Variants in KLF3 observed in about 807,000 individuals in gnomAD.
KLF3 encodes KLF transcription factor 3, also known as Krueppel-like factor 3.
A neutral mutation model predicts 32.7 loss-of-function variants in KLF3; 6 were observed. The ratio of observed to expected loss-of-function variants is 0.18; its 90% CI spans 0.10 to 0.36. The LOEUF is 0.36. KLF3 is among the 10% of genes least tolerant of loss of function. KLF3 has a pLI of 1.00. For synonymous variants in KLF3, 145 were observed against 172.8 expected, an observed-to-expected ratio of 0.84 and a Z score of 1.26; for missense variants, 338 against 449.7, an observed-to-expected ratio of 0.75 and a Z score of 2.25.
In KLF3 at chr4:38,698,669, G is replaced by A. The variant is rs1382869207; in HGVS notation, c.*1406G>A. 1 of 152,226 alleles carries A rather than the reference G, an allele frequency of 6.6e-6. No homozygotes were observed. Among genetic ancestry groups the A allele is most frequent in the East Asian group, 1.9e-4 (1 of 5,202 alleles). 9.4% of individuals were successfully genotyped at this position (152,226 alleles called of 1,614,324 possible). On this transcript the variant is annotated 3_prime_UTR_variant, in exon 6 of 6. Coordinates refer to ENST00000261438, the MANE Select transcript of KLF3 (RefSeq NM_016531.6). ...AGTGTCAGAACAAACTGAAAATAAT[G>A]GCTCGTGTTTATGTTGAAGATAAAT... is the stretch of plus-strand genomic sequence containing the variant.
At chr4:38,684,568 G>A (rs1411600049) in intron 2 of KLF3, among the ~76,000 whole-genome samples, 1 of 104,372 alleles carries the variant, frequency 9.6e-6, no homozygotes, top group Non-Finnish European at 2.0e-5. Flanking sequence ...TTTTGGTTTG[G>A]TTTTGGTTTT....
At position 38,671,748 on chromosome 4, in the gene KLF3, T is replaced by C. The variant is rs1722205002; in HGVS notation, c.-40+7287T>C. Among the ~76,000 whole-genome samples the C allele has an allele frequency of 6.6e-6, 1 of 152,154 alleles. No homozygotes were observed. Among genetic ancestry groups the C allele is most frequent in the Non-Finnish European group, 1.5e-5 (1 of 68,026 alleles). ...TCTTTTCAGTAAAACGGGAAGGTAG[T>C]AACCACCTCATTGACATTAAACAGC... On this transcript the variant is annotated intron_variant, in intron 1 of 5. Coordinates refer to ENST00000261438, the MANE Select transcript of KLF3 (RefSeq NM_016531.6). The surrounding 1 kb of genome is among the most constrained non-coding windows in gnomAD (Gnocchi z 4.4).
At chr4:38,681,207 G>C (rs1330783292) in intron 2 of KLF3, among the ~76,000 whole-genome samples, 1 of 152,164 alleles carries the variant, frequency 6.6e-6, no homozygotes, top group Admixed American at 6.5e-5. Context: ...CCCGTGCCCG[G>C]TGTCCCCCTA....
intron 1 of KLF3, among the ~76,000 whole-genome samples, chr4:38,676,872 T>C (rs566029580): frequency 2.6e-5 from 4 of 152,244 alleles, no homozygotes; most frequent in African/African-American, 9.6e-5. Context: ...TTTGGATTAC[T>C]TTGAGGTACA....
At chr4:38,670,151 G>T (rs1722160203) in intron 1 of KLF3, among the ~76,000 whole-genome samples, 2 of 152,134 alleles carry the variant, frequency 1.3e-5, no homozygotes, top group South Asian at 4.1e-4. Context: ...ATTTAGAAGG[G>T]CTGGAGACAG....
chr4:38,700,571 A>G lies in KLF3; in HGVS notation c.*3308A>G, dbSNP rs904138880. On this transcript the variant is annotated 3_prime_UTR_variant, in exon 6 of 6. Coordinates refer to ENST00000261438, the MANE Select transcript of KLF3 (RefSeq NM_016531.6). ...CATTTACAAAGCCATCTTTACATGC[A>G]TTAAACGAGGGCTACAACAATATTG... The G allele has an allele frequency of 6.6e-6, 1 of 152,268 alleles. No individual in the cohort carries two copies. Among genetic ancestry groups the G allele is most frequent in the African/African-American group, 2.4e-5 (1 of 41,474 alleles). The allele number at this position is 152,268 out of a possible 1,614,324, so 9.4% of individuals were successfully genotyped here.
In KLF3 at chr4:38,674,658, T is replaced by C. The variant is rs1722288011; in HGVS notation, c.-39-5929T>C. ...TTGGAGCCTCGGGGTCAGTCCTGGG[T>C]TGGGGAAGATAATGCAGGCACCCTT... On this transcript the variant is annotated intron_variant, in intron 1 of 5. Transcript: ENST00000261438. The surrounding 1 kb of genome is among the most constrained non-coding windows in gnomAD (Gnocchi z 4.1). 6.6e-6 allele frequency among the ~76,000 whole-genome samples: 1 copy of C among 151,674 alleles called. No homozygotes were observed. Among genetic ancestry groups the C allele is most frequent in the Admixed American group, 6.6e-5 (1 of 15,226 alleles).
chr4:38,665,394 C>T (rs1722000441), intron 1 of KLF3, among the ~76,000 whole-genome samples: 1 of 152,162 alleles, frequency 6.6e-6, no homozygotes, highest in African/African-American at 2.4e-5. Context: ...CAGATGAGAT[C>T]TGGAATTGTC....
At chr4:38,676,784 T>C (rs1044538331) in intron 1 of KLF3, among the ~76,000 whole-genome samples, 1 of 152,206 alleles carries the variant, frequency 6.6e-6, no homozygotes, top group Non-Finnish European at 1.5e-5. Flanking sequence ...ATTTCAAAAA[T>C]AGGTATTCTA....
chr4:38,675,808 TAA>T (rs1722329310), intron 1 of KLF3, among the ~76,000 whole-genome samples: 2 of 152,190 alleles, frequency 1.3e-5, no homozygotes, highest in African/African-American at 4.8e-5. Flanking sequence ...AGAATGGTAA[TAA>T]CCCCAGTGCA....
rs1446028934 is a variant in KLF3, at chr4:38,700,621, T to C, written c.*3358T>C. On this transcript the variant is annotated 3_prime_UTR_variant, in exon 6 of 6. Coordinates refer to ENST00000261438, the MANE Select transcript of KLF3 (RefSeq NM_016531.6). ...GTTTTACAAATACTAGCACTTTTTTTTCTGTTATGTACTTAGTGTTAGAGG... is the reference window on the plus strand; with the variant it reads ...GTTTTACAAATACTAGCACTTTTTTCTCTGTTATGTACTTAGTGTTAGAGG... 6.6e-6 allele frequency: 1 copy of C among 152,230 alleles called. No homozygotes were observed. The highest frequency in any genetic ancestry group is 2.4e-5 in the African/African-American group (1 of 41,464). The allele number at this position is 152,230 out of a possible 1,614,324, so 9.4% of individuals were successfully genotyped here. A position where few individuals can be genotyped will look rare whatever the true frequency, so the allele number is the denominator to read the frequency against.
intron 1 of KLF3, among the ~76,000 whole-genome samples, chr4:38,665,423 A>T (rs968381704): frequency 6.6e-6 from 1 of 152,172 alleles, no homozygotes; most frequent in Admixed American, 6.5e-5. Flanking sequence ...TTTTTTGGGC[A>T]GATAGCTACT....
intron 5 of KLF3, among the ~76,000 whole-genome samples, chr4:38,696,197 A>G (rs1485770988): frequency 6.6e-6 from 1 of 151,256 alleles, no homozygotes; most frequent in Non-Finnish European, 1.5e-5. Context: ...AAAAAAAAAA[A>G]AAAAAAAAAA....
At chr4:38,666,104 G>T (rs1343835243) in intron 1 of KLF3, among the ~76,000 whole-genome samples, 4 of 152,094 alleles carry the variant, frequency 2.6e-5, no homozygotes, top group African/African-American at 9.7e-5. Flanking sequence ...CTTTGCTGCA[G>T]AACTATTTAT....
rs1053218272 is a variant in KLF3 at position 38,697,847 on chromosome 4, C to G, written c.*584C>G. On this transcript the variant is annotated 3_prime_UTR_variant, in exon 6 of 6. Transcript: ENST00000261438. ...TCATCTGAATCGAGTTCTTTGCCCT[C>G]CTTTGTGCCTGCAGCTCATATGGAG... The G allele has an allele frequency of 3.9e-5, 6 of 152,236 alleles. No homozygotes were observed. Among genetic ancestry groups the G allele is most frequent in the African/African-American group, 1.4e-4 (6 of 41,438 alleles). The allele number at this position is 152,236 out of a possible 1,614,324, so 9.4% of individuals were successfully genotyped here.
At chr4:38,677,048 C>T (rs1722376373) in intron 1 of KLF3, among the ~76,000 whole-genome samples, 1 of 150,382 alleles carries the variant, frequency 6.6e-6, no homozygotes. Context: ...GCAACCTCCG[C>T]CTGCTGGGTT....
intron 2 of KLF3, among the ~76,000 whole-genome samples, chr4:38,681,818 T>C (rs1722533739): frequency 6.6e-6 from 1 of 152,184 alleles, no homozygotes; most frequent in Non-Finnish European, 1.5e-5. Context: ...AGATCATCCT[T>C]GTGCATGGGC....
In KLF3 at chr4:38,699,512, A is replaced by G. The variant is rs1487804162; in HGVS notation, c.*2249A>G. 6.6e-6 allele frequency: 1 copy of G among 152,194 alleles called. No homozygotes were observed. The highest frequency in any genetic ancestry group is 2.4e-5 in the African/African-American group (1 of 41,444). The allele number at this position is 152,194 out of a possible 1,614,324, so 9.4% of individuals were successfully genotyped here. ...GTTCCAATCCATAGAGAAGTGGGGG[A>G]AAGGGCGAGAAAGGATCAGATTGAT... On this transcript the variant is annotated 3_prime_UTR_variant, in exon 6 of 6. Transcript: ENST00000261438.
At chr4:38,678,550 G>A (rs1372994972) in intron 1 of KLF3, among the ~76,000 whole-genome samples, 1 of 152,204 alleles carries the variant, frequency 6.6e-6, no homozygotes, top group African/African-American at 2.4e-5. Flanking sequence ...CTTATGTCGA[G>A]TTATTGATGA....
Sources: gnomAD v4.1 joint callset for allele counts (sites outside exome capture counted in the v4.1 genomes callset) on GRCh38, gnomAD v4.1.1 for gene constraint, Gnocchi (gnomAD v3.1) non-coding constraint, MANE v1.5 for transcripts, NCBI Gene and HGNC (gene_info 2026-07-23, HGNC 2026-07-21) for gene names.